MYOM1: variants seen among roughly 807,000 people sequenced by gnomAD.
MYOM1 encodes myomesin 1.
Under a neutral mutation model 205.3 loss-of-function variants are expected in MYOM1, and 164 were observed. The observed-to-expected ratio is 0.80, with a 90% CI of 0.70 to 0.91. The LOEUF is 0.91. Among genes scored for constraint, MYOM1 ranks in the 40% least tolerant of loss-of-function variants. The pLI, the probability that MYOM1 is intolerant of heterozygous loss-of-function variation, is 0.00. For synonymous variants in MYOM1, 772 were observed against 789.4 expected (o/e 0.98, Z 0.37); for missense variants, 2,011 against 2,127.3 (o/e 0.95, Z 1.08).
chr18:3,192,195 A>G (rs1348534059), intron 3 of MYOM1, among the ~76,000 whole-genome samples: 1 of 152,114 alleles, frequency 6.6e-6, no homozygotes, highest in Non-Finnish European at 1.5e-5. Context: ...TTTGAAACAG[A>G]GTGGGAAAAA....
At chr18:3,141,119 C>T in intron 14 of MYOM1, among the ~76,000 whole-genome samples, 1 of 152,136 alleles carries the variant, frequency 6.6e-6, no homozygotes, top group East Asian at 1.9e-4. Flanking sequence ...CTTCTTACCC[C>T]CACTAAGACC....
chr18:3,189,341 TA>T lies in MYOM1; in HGVS notation c.432-255del, dbSNP rs993621569. On this transcript the variant is annotated intron_variant, in intron 3 of 37. Transcript: ENST00000356443. This position sits in a 1 kb window ranked among gnomAD's most constrained non-coding sequence, Gnocchi z 4.8. ...CATACACTATCTTGTTTCATCCCCT[TA>T]CAAACCCTATGAGATAAACTTTTTT... 4.6e-5 allele frequency among the ~76,000 whole-genome samples: 7 copies of T among 151,214 alleles called. No individual in the cohort carries two copies. The highest frequency in any genetic ancestry group is 7.4e-5 in the Non-Finnish European group (5 of 67,928).
chr18:3,203,139 C>G (rs746269457), intron 2 of MYOM1, among the ~76,000 whole-genome samples: 20 of 151,118 alleles, frequency 1.3e-4, no homozygotes, highest in Non-Finnish European at 2.2e-4. Context: ...TGGGATACAG[C>G]TAAAGCAGTA....
At chr18:3,237,374 G>A in the MYOM1 span, among the ~76,000 whole-genome samples, 9 of 152,242 alleles carry the variant, frequency 5.9e-5, no homozygotes, top group East Asian at 1.7e-3. Context: ...GCTGAGGCAG[G>A]TGGATCACGA....
chr18:3,079,229 A>G lies in MYOM1; in HGVS notation c.4598T>C (p.Leu1533Pro), dbSNP rs768704674. The change falls in exon 34 of 38, where the codon CTC (leucine) becomes CCC (proline). Residue 1533 changes from leucine to proline, a missense_variant. By Grantham distance (98) the Leu-to-Pro change is moderately conservative (BLOSUM62 -3). Coordinates refer to ENST00000356443, the MANE Select transcript of MYOM1 (RefSeq NM_003803.4). ...PNDKGKYVME[L>P]FDGKTGHQKT... is the part of the protein sequence containing the mutation. ...CTGATGTCCAGTTTTGCCATCAAAG[A>G]GCTCCATGACATACTTCCCTTTGTC... 6.2e-7 allele frequency: 1 copy of G among 1,613,922 alleles called. No homozygotes were observed.
At chr18:3,160,042 CCTT>C (rs1370286228) in intron 10 of MYOM1, among the ~76,000 whole-genome samples, 2 of 149,734 alleles carry the variant, frequency 1.3e-5, no homozygotes, top group Admixed American at 6.7e-5. Context: ...TCTTCCTCCT[CCTT>C]CTCCTCCTCC....
chr18:3,134,574 T>C, intron 16 of MYOM1, 76 bp downstream of exon 16: 1 of 1,440,650 alleles, frequency 6.9e-7, no homozygotes. Flanking sequence ...ATCTCCTCCA[T>C]TGGATGTCTG....
At chr18:3,143,616 G>T (rs909357326) in intron 13 of MYOM1, among the ~76,000 whole-genome samples, 6 of 152,066 alleles carry the variant, frequency 3.9e-5, no homozygotes, top group African/African-American at 1.4e-4. Context: ...TAATACTGTT[G>T]CAGGACAGGC....
At chr18:3,147,082 A>C (rs1009443647) in intron 13 of MYOM1, among the ~76,000 whole-genome samples, 1 of 109,636 alleles carries the variant, frequency 9.1e-6, no homozygotes, top group Non-Finnish European at 2.2e-5. Context: ...TTATATATAA[A>C]TATTATACAT....
intron 2 of MYOM1, among the ~76,000 whole-genome samples, chr18:3,195,327 G>A (rs2080980711): frequency 6.6e-6 from 1 of 152,156 alleles, no homozygotes; most frequent in African/African-American, 2.4e-5. Context: ...TAAAACTAAA[G>A]GTTAGAACTT....
intron 21 of MYOM1, among the ~76,000 whole-genome samples, chr18:3,113,551 T>A (rs541131363): frequency 6.6e-6 from 1 of 152,234 alleles, no homozygotes; most frequent in South Asian, 2.1e-4. Flanking sequence ...CAGGCTGGTC[T>A]CAAACTCCTG....
intron 9 of MYOM1, 88 bp downstream of exon 9, chr18:3,168,729 G>T: frequency 7.1e-7 from 1 of 1,416,880 alleles, no homozygotes; most frequent in Non-Finnish European, 9.7e-7. Flanking sequence ...CTAACTTCCA[G>T]ATTCCACCAG....
Position 3,067,477 on chromosome 18 carries a change from A to G in MYOM1, c.4843T>C (p.Ser1615Pro), listed in dbSNP as rs375289350. The change falls in exon 38 of 38, where the codon TCA becomes CCA. Residue 1615 changes from serine (S) to proline (P), a missense_variant. Physicochemically the swap from Ser to Pro is moderately conservative, Grantham distance 74. Coordinates refer to ENST00000356443, the MANE Select transcript of MYOM1 (RefSeq NM_003803.4). ...SWLKNEKALA[S>P]DDHCNLKFEA... The stretch of plus-strand genomic sequence containing the variant: ...AACTTGAGGTTGCAGTGGTCGTCTG[A>G]GGCCAGGGCCTTCTCGTTCTTCAAC... 1.2e-6 allele frequency: 2 copies of G among 1,613,816 alleles called. No homozygotes were observed. The highest frequency in any genetic ancestry group is 1.7e-6 in the Non-Finnish European group (2 of 1,179,902).
chr18:3,190,443 T>C (rs1248863553), intron 3 of MYOM1: 6 of 152,172 alleles, frequency 3.9e-5, no homozygotes, highest in Non-Finnish European at 5.9e-5. Context: ...TTTGCCAAGA[T>C]TGGGGTTTCT....
intron 2 of MYOM1, among the ~76,000 whole-genome samples, chr18:3,208,238 G>A (rs972748310): frequency 2.0e-5 from 3 of 152,136 alleles, no homozygotes; most frequent in African/African-American, 7.2e-5. Context: ...GGCCAGGCAC[G>A]GTGGCACACA....
intron 2 of MYOM1, among the ~76,000 whole-genome samples, chr18:3,214,051 T>C (rs1226182437): frequency 6.6e-6 from 1 of 152,234 alleles, no homozygotes; most frequent in Non-Finnish European, 1.5e-5. Context: ...TACAGGTTGG[T>C]TCCTATTATT....
rs374513799 is a variant in MYOM1, at chr18:3,116,412, G to A, written c.3222C>T (p.Phe1074=). 9.9e-6 allele frequency: 16 copies of A among 1,613,612 alleles called. No individual in the cohort carries two copies. Among genetic ancestry groups the A allele is most frequent in the South Asian group, 3.3e-5 (3 of 91,022 alleles). ...HSGRTPVTGY[F]VDLKEAKAKE... ...TGGCCTTGGCCTCCTTCAAGTCCAC[G>A]AAGTAACCAGTGACCGGAGTCCGCC... The change falls in exon 21 of 38, where the codon TTC becomes TTT. Residue 1074 remains phenylalanine (F), a synonymous_variant. Transcript: ENST00000356443.
chr18:3,129,205 G>A (rs1009859053), intron 18 of MYOM1, 27 bp downstream of exon 18: 2 of 1,604,002 alleles, frequency 1.2e-6, no homozygotes, highest in African/African-American at 1.3e-5. Context: ...GAGACGGATG[G>A]AACAGCTTCC....
chr18:3,082,312 C>T (rs902088706), intron 33 of MYOM1, among the ~76,000 whole-genome samples: 2 of 152,188 alleles, frequency 1.3e-5, no homozygotes, highest in South Asian at 2.1e-4. Flanking sequence ...CATGATGAAC[C>T]GGGCTCTGGA....
Sources: allele counts gnomAD v4.1 joint callset (sites outside exome capture counted in the v4.1 genomes callset), GRCh38; gene constraint gnomAD v4.1.1; non-coding constraint Gnocchi (gnomAD v3.1); transcripts MANE v1.5; gene names NCBI Gene and HGNC (gene_info 2026-07-23, HGNC 2026-07-21).